Variants in MTURN observed in about 807,000 individuals in gnomAD.
MTURN encodes maturin, neural progenitor differentiation regulator homolog.
In MTURN, 7 loss-of-function variants were observed where a neutral mutation model predicts 14.9. The ratio of observed to expected loss-of-function variants is 0.47; its 90% CI spans 0.27 to 0.88. MTURN has a LOEUF of 0.88. MTURN is among the 40% of genes least tolerant of loss of function. The pLI is 0.14. For synonymous variants in MTURN, 69 were observed against 72.5 expected (o/e 0.95, Z 0.25); for missense variants, 151 against 174.1 (o/e 0.87, Z 0.75).
chr7:30,146,332 G>C (rs1232580935), intron 2 of MTURN, 33 bp downstream of exon 2: 2 of 1,611,088 alleles, frequency 1.2e-6, no homozygotes, highest in African/African-American at 2.7e-5. Flanking sequence ...ACCACAGCTT[G>C]TTTTCTATGG....
At position 30,157,440 on chromosome 7, in the gene MTURN, A is replaced by G; in HGVS notation, c.288A>G (p.Leu96=). ...LEKVFKSFRP[L]LGLPDADDDA... ...TTTCTCTTGTTCTCTCCCTGTAGTT[A>G]CTGGGGCTTCCGGATGCAGATGACG... The change falls in exon 3 of 3, where the codon TTA becomes TTG. Residue 96 remains leucine (L), a splice_region_variant and synonymous_variant. Coordinates refer to ENST00000324453, the MANE Select transcript of MTURN (RefSeq NM_152793.3). 1.3e-6 allele frequency: 2 copies of G among 1,596,270 alleles called. No homozygotes were observed. The highest frequency in any genetic ancestry group is 1.7e-6 in the Non-Finnish European group (2 of 1,172,742).
At position 30,157,452 on chromosome 7, in the gene MTURN, G is replaced by T. The variant is rs1192375606; in HGVS notation, c.300G>T (p.Pro100=). The change falls in exon 3 of 3, where the codon CCG becomes CCT. Residue 100 remains proline, a synonymous_variant. Coordinates refer to ENST00000324453, the MANE Select transcript of MTURN (RefSeq NM_152793.3). ...TCTCCCTGTAGTTACTGGGGCTTCC[G>T]GATGCAGATGACGATGCGTTTGAAG... is the stretch of plus-strand genomic sequence containing the variant. ...FKSFRPLLGL[P]DADDDAFEEY... is the part of the protein sequence containing the mutation. 1 of 1,599,404 alleles carries T rather than the reference G, an allele frequency of 6.3e-7. No homozygotes were observed. The highest frequency in any genetic ancestry group is 8.5e-7 in the Non-Finnish European group (1 of 1,173,966).
chr7:30,143,961 T>C (rs201330083), intron 1 of MTURN, among the ~76,000 whole-genome samples: 2 of 152,260 alleles, frequency 1.3e-5, no homozygotes, highest in East Asian at 3.8e-4. Flanking sequence ...TTTTCATAGG[T>C]GCACCTGCTT....
At chr7:30,135,416 C>T (rs1012860302) in intron 1 of MTURN, 118 bp downstream of exon 1, 8 of 777,464 alleles carry the variant, frequency 1.0e-5, no homozygotes, top group South Asian at 6.0e-5. Flanking sequence ...GGGCCGTAAC[C>T]CGCGCCCCGC....
intron 2 of MTURN, among the ~76,000 whole-genome samples, chr7:30,146,552 G>A (rs371929685): frequency 1.3e-5 from 2 of 152,110 alleles, no homozygotes; most frequent in Non-Finnish European, 2.9e-5. Flanking sequence ...TCCCTGATGG[G>A]GGGGGAAGCA....
At position 30,135,237 on chromosome 7, in the gene MTURN, A is replaced by T; in HGVS notation, c.101A>T (p.Tyr34Phe). 12 of 1,517,366 alleles carry T rather than the reference A, an allele frequency of 7.9e-6. No homozygotes were observed. The highest frequency in any genetic ancestry group is 9.7e-6 in the Non-Finnish European group (11 of 1,130,696). The allele number at this position is 1,517,366 out of a possible 1,614,324, so 94.0% of individuals were successfully genotyped here. ...GAGACCGAACGCAGGATGGATTTCT[A>T]CGCCGACCCCGGCGTCTCCTTCTAT... ...TEETERRMDF[Y>F]ADPGVSFYVL... Residue 34 changes from tyrosine (Y) to phenylalanine (F), a missense_variant, in exon 1 of 3, where the codon TAC (tyrosine) becomes TTC (phenylalanine). Coordinates refer to ENST00000324453, the MANE Select transcript of MTURN (RefSeq NM_152793.3).
intron 1 of MTURN, among the ~76,000 whole-genome samples, chr7:30,138,158 C>T (rs1796994780): frequency 6.6e-6 from 1 of 152,090 alleles, no homozygotes; most frequent in South Asian, 2.1e-4. Flanking sequence ...CTCTGTCGCC[C>T]AGGCTGGAGT....
chr7:30,151,937 C>T (rs756798258), intron 2 of MTURN, among the ~76,000 whole-genome samples: 4 of 152,136 alleles, frequency 2.6e-5, no homozygotes, highest in Admixed American at 6.5e-5. Context: ...TGGAGAGCTG[C>T]GGCTTAAATC....
intron 2 of MTURN, among the ~76,000 whole-genome samples, chr7:30,151,495 A>T (rs1797211664): frequency 6.6e-6 from 1 of 152,238 alleles, no homozygotes; most frequent in Non-Finnish European, 1.5e-5. Context: ...GTGTCAACTG[A>T]CAGACTTACT....
At position 30,160,240 on chromosome 7, in the gene MTURN, G is replaced by C. The variant is rs1196040043; in HGVS notation, c.*2692G>C. 6.6e-6 allele frequency: 1 copy of C among 152,320 alleles called. No individual in the cohort carries two copies. Among genetic ancestry groups the C allele is most frequent in the Non-Finnish European group, 1.5e-5 (1 of 68,118 alleles). The allele number at this position is 152,320 out of a possible 1,614,324, so 9.4% of individuals were successfully genotyped here. On this transcript the variant is annotated 3_prime_UTR_variant, in exon 3 of 3. Transcript: ENST00000324453. The stretch of plus-strand genomic sequence containing the variant: ...GCCAAGGTGCTGCCTTTAGGATGCT[G>C]ACCCCTGCACTACCTTAGAACATGT...
Position 30,135,067 on chromosome 7 carries a change from T to C in MTURN, c.-70T>C. 1 of 1,215,426 alleles carries C rather than the reference T, an allele frequency of 8.2e-7. No individual in the cohort carries two copies. Among genetic ancestry groups the C allele is most frequent in the Non-Finnish European group, 1.0e-6 (1 of 966,558 alleles). The allele number at this position is 1,215,426 out of a possible 1,614,324, so 75.3% of individuals were successfully genotyped here. The stretch of plus-strand genomic sequence containing the variant: ...GCGCAGGCCGAGCCGAGCGCCGCGC[T>C]GCCCGCCCGGGAGGAGGGCGCCTAG... On this transcript the variant is annotated 5_prime_UTR_variant, in exon 1 of 3. Coordinates refer to ENST00000324453, the MANE Select transcript of MTURN (RefSeq NM_152793.3).
intron 2 of MTURN, among the ~76,000 whole-genome samples, chr7:30,154,409 A>G (rs373312830): frequency 6.6e-6 from 1 of 152,198 alleles, no homozygotes; most frequent in African/African-American, 2.4e-5. Flanking sequence ...TTTCTTATAG[A>G]TAAGGAGTGA....
chr7:30,162,487 GGTT>G lies in MTURN; in HGVS notation c.*4946_*4948del, dbSNP rs1401284347. On this transcript the variant is annotated 3_prime_UTR_variant, in exon 3 of 3. Transcript: ENST00000324453. ...AATAGTTGTTGGGTTTTTGTTTTTT[GGTT>G]GTTGTTTTTTTTTTTTTTTAGGCAA... is the stretch of plus-strand genomic sequence containing the variant. 4 of 145,466 alleles carry G rather than the reference GGTT, an allele frequency of 2.7e-5. No individual in the cohort carries two copies. The highest frequency in any genetic ancestry group is 5.5e-5 in the African/African-American group (2 of 36,690). 9.0% of individuals were successfully genotyped at this position (145,466 alleles called of 1,614,324 possible). A position where few individuals can be genotyped will look rare whatever the true frequency, so the allele number is the denominator to read the frequency against.
chr7:30,136,323 G>C (rs991736103), intron 1 of MTURN, among the ~76,000 whole-genome samples: 3 of 152,184 alleles, frequency 2.0e-5, no homozygotes, highest in Non-Finnish European at 4.4e-5. Context: ...GAGGGGTGGA[G>C]TAGGGCGAGC....
intron 2 of MTURN, among the ~76,000 whole-genome samples, chr7:30,150,286 TG>T (rs1490532045): frequency 1.1e-4 from 17 of 152,152 alleles, no homozygotes; most frequent in African/African-American, 3.9e-4. Context: ...AGGTTACCGT[TG>T]GGGGGAACCT....
intron 2 of MTURN, among the ~76,000 whole-genome samples, chr7:30,147,072 T>C (rs1275593536): frequency 1.3e-5 from 2 of 152,280 alleles, no homozygotes; most frequent in African/African-American, 2.4e-5. Flanking sequence ...GTTCTAATGC[T>C]GTCTCCTTCT....
At position 30,158,021 on chromosome 7, in the gene MTURN, A is replaced by C. The variant is rs1797312665; in HGVS notation, c.*473A>C. On this transcript the variant is annotated 3_prime_UTR_variant, in exon 3 of 3. Coordinates refer to ENST00000324453, the MANE Select transcript of MTURN (RefSeq NM_152793.3). Reference sequence around the variant, plus strand: ...TGAAAGGTTTTGCTTATAAAGCATGAATTTTAATATCTAGTCATTAAACTG... The same window carrying C: ...TGAAAGGTTTTGCTTATAAAGCATGCATTTTAATATCTAGTCATTAAACTG... The C allele has an allele frequency of 6.5e-6, 1 of 152,680 alleles. No homozygotes were observed. The highest frequency in any genetic ancestry group is 2.4e-5 in the African/African-American group (1 of 41,450). The allele number at this position is 152,680 out of a possible 1,614,324, so 9.5% of individuals were successfully genotyped here.
Position 30,135,031 on chromosome 7 carries a change from C to G in MTURN, c.-106C>G. On this transcript the variant is annotated 5_prime_UTR_variant, in exon 1 of 3. Coordinates refer to ENST00000324453, the MANE Select transcript of MTURN (RefSeq NM_152793.3). Reference sequence around the variant, plus strand: ...AGTCCCAGCCGGCCCAGCCCGGCCCCGGAGGAGCCCGCGCAGGCCGAGCCG... The same window carrying G: ...AGTCCCAGCCGGCCCAGCCCGGCCCGGGAGGAGCCCGCGCAGGCCGAGCCG... The G allele has an allele frequency of 2.0e-6, 2 of 1,012,126 alleles. No homozygotes were observed. The highest frequency in any genetic ancestry group is 4.6e-5 in the South Asian group (1 of 21,676). The allele number at this position is 1,012,126 out of a possible 1,614,324, so 62.7% of individuals were successfully genotyped here.
intron 2 of MTURN, among the ~76,000 whole-genome samples, chr7:30,156,892 T>C (rs1274116342): frequency 6.6e-6 from 1 of 152,206 alleles, no homozygotes; most frequent in East Asian, 1.9e-4. Context: ...ATGTGCATCT[T>C]TTTAATGTCA....
Sources: allele counts gnomAD v4.1 joint callset (sites outside exome capture counted in the v4.1 genomes callset), GRCh38; gene constraint gnomAD v4.1.1; transcripts MANE v1.5; gene names NCBI Gene and HGNC (gene_info 2026-07-23, HGNC 2026-07-21).